OR3A2: variants seen among roughly 807,000 people sequenced by gnomAD.
OR3A2 encodes the protein olfactory receptor 3A2.
For missense variants in OR3A2, 318 were observed against 392.8 expected, an observed-to-expected ratio of 0.81 and a Z score of 1.61; for synonymous variants, 126 against 159.3, an observed-to-expected ratio of 0.79 and a Z score of 1.57.
At chr17:3,382,508 G>A (rs1019792663) in intron 2 of OR3A2, among the ~76,000 whole-genome samples, 1 of 152,240 alleles carries the variant, frequency 6.6e-6, no homozygotes, top group Non-Finnish European at 1.5e-5. Flanking sequence ...TCTGCAGAGA[G>A]TACTGAGTTC....
intron 2 of OR3A2, among the ~76,000 whole-genome samples, chr17:3,349,907 C>G (rs2049404471): frequency 6.6e-6 from 1 of 152,002 alleles, no homozygotes; most frequent in African/African-American, 2.4e-5. Context: ...CATATGGAAA[C>G]TGAACAACCT....
intron 2 of OR3A2, among the ~76,000 whole-genome samples, chr17:3,357,971 G>T (rs2049476979): frequency 6.6e-6 from 1 of 151,606 alleles, no homozygotes; most frequent in Non-Finnish European, 1.5e-5. Flanking sequence ...TGGGGGTCAG[G>T]TTCAGAGAGG....
intron 3 of OR3A2, among the ~76,000 whole-genome samples, chr17:3,307,066 T>C (rs2049005579): frequency 6.6e-6 from 1 of 152,152 alleles, no homozygotes; most frequent in South Asian, 2.1e-4. Flanking sequence ...CACACAGGCA[T>C]TAGGGTCAAC....
At position 3,327,847 on chromosome 17, in the gene OR3A2, G is replaced by C. The variant is rs1293644600; in HGVS notation, c.-85+8186C>G. Among the ~76,000 whole-genome samples the C allele has an allele frequency of 1.4e-5, 2 of 138,200 alleles. 1 individual carries two copies. Among genetic ancestry groups the C allele is most frequent in the African/African-American group, 5.8e-5 (2 of 34,200 alleles). 90.7% of individuals were successfully genotyped at this position (138,200 alleles called of 152,430 possible). On this transcript the variant is annotated intron_variant, in intron 3 of 4. Coordinates refer to the OR3A2 transcript ENST00000573491. ...CCCATTGCTTGGTTTTCTCAGGTTT[G>C]TCAAAGATCAGATAGCTGTAGACAT... is the stretch of plus-strand genomic sequence containing the variant.
At chr17:3,284,864 CA>C (rs139010602), upstream of OR3A2, among the ~76,000 whole-genome samples, 2,317 of 148,468 alleles carry the variant, frequency 0.016, 95 homozygotes, top group African/African-American at 0.056. Context: ...GGCATTTGAG[CA>C]GAAACAAGCC....
intron 3 of OR3A2, among the ~76,000 whole-genome samples, chr17:3,333,902 T>G (rs750978948): frequency 4.0e-5 from 6 of 151,706 alleles, no homozygotes; most frequent in Non-Finnish European, 5.9e-5. Context: ...TTAAACAAAT[T>G]TACAAGAAAA....
At chr17:3,349,863 T>C (rs548925561) in intron 2 of OR3A2, among the ~76,000 whole-genome samples, 69 of 152,180 alleles carry the variant, frequency 4.5e-4, no homozygotes, top group African/African-American at 1.6e-3. Context: ...AAACTAGAAC[T>C]CATGATTAAG....
chr17:3,355,456 CTCTCTT>C (rs766307851), intron 2 of OR3A2, among the ~76,000 whole-genome samples: 1,705 of 118,042 alleles, frequency 0.014, 80 homozygotes, highest in African/African-American at 0.048. Context: ...CTCTCTCTCT[CTCTCTT>C]TAGCTCTAAT....
At chr17:3,328,053 T>A (rs1245345747) in intron 3 of OR3A2, among the ~76,000 whole-genome samples, 2 of 145,600 alleles carry the variant, frequency 1.4e-5, no homozygotes, top group Non-Finnish European at 3.0e-5. Flanking sequence ...CTTTTTTGGT[T>A]CCATATGAAC....
intron 3 of OR3A2, among the ~76,000 whole-genome samples, chr17:3,304,992 T>C (rs2150628054): frequency 6.6e-6 from 1 of 152,344 alleles, no homozygotes; most frequent in African/African-American, 2.4e-5. Flanking sequence ...TAATTGTTTT[T>C]GAGTAGTCAT....
intron 1 of OR3A2, among the ~76,000 whole-genome samples, chr17:3,282,613 G>A (rs1201014144): frequency 1.3e-5 from 2 of 152,162 alleles, no homozygotes; most frequent in Non-Finnish European, 1.5e-5. Context: ...ATGTGGATGC[G>A]GTGATCTCCA....
In OR3A2 at chr17:3,335,186, T is replaced by G. The variant is rs1405611665; in HGVS notation, c.-85+847A>C. On this transcript the variant is annotated intron_variant, in intron 3 of 4. Coordinates refer to the OR3A2 transcript ENST00000573491. ...GTATCTCAGTGTTTTCATATGCATT[T>G]CTTAGATCTTTACATGGTAAAAATA... Among the ~76,000 whole-genome samples the G allele has an allele frequency of 2.6e-5, 4 of 152,338 alleles. No individual in the cohort carries two copies. In the East Asian group the frequency reaches 7.7e-4, roughly 29 times the overall value.
At chr17:3,303,098 T>C (rs137938440) in intron 3 of OR3A2, among the ~76,000 whole-genome samples, 1 of 152,262 alleles carries the variant, frequency 6.6e-6, no homozygotes, top group East Asian at 1.9e-4. Context: ...TTTCAATAAA[T>C]AGTGCTGGAG....
chr17:3,347,694 G>A (rs944038477), intron 2 of OR3A2, among the ~76,000 whole-genome samples: 12 of 152,218 alleles, frequency 7.9e-5, no homozygotes, highest in South Asian at 2.1e-4. Flanking sequence ...GAATAATGCC[G>A]CAATAAACAT....
intron 3 of OR3A2, among the ~76,000 whole-genome samples, chr17:3,290,680 T>A (rs1209365961): frequency 2.0e-5 from 3 of 152,230 alleles, no homozygotes; most frequent in Non-Finnish European, 4.4e-5. Context: ...ATGGCTGGTT[T>A]AACTTCAAGC....
chr17:3,356,939 A>G (rs929324392), intron 2 of OR3A2, among the ~76,000 whole-genome samples: 4 of 151,714 alleles, frequency 2.6e-5, no homozygotes, highest in African/African-American at 7.3e-5. Flanking sequence ...CTTAAGGGCC[A>G]TGATTTCAAG....
chr17:3,311,118 T>A lies in OR3A2; in HGVS notation c.-85+24915A>T, dbSNP rs989118247. The A allele has an allele frequency of 9.2e-6, 5 of 541,432 alleles. No individual in the cohort carries two copies. The African/African-American group carries it at 9.6e-5, about 10-fold the overall frequency. 33.5% of individuals were successfully genotyped at this position (541,432 alleles called of 1,614,324 possible). A position where few individuals can be genotyped will look rare whatever the true frequency, so the allele number is the denominator to read the frequency against. ...CTACACAAGGCTGGGTTCAGTGGAG[T>A]CTTCGGACAAGGACAAGGGCATTGG... On this transcript the variant is annotated intron_variant, in intron 3 of 4. Transcript: ENST00000573491. The surrounding 1 kb of genome is among the most constrained non-coding windows in gnomAD (Gnocchi z 4.6).
chr17:3,381,024 T>A (rs777734954), intron 2 of OR3A2, among the ~76,000 whole-genome samples: 4 of 152,206 alleles, frequency 2.6e-5, no homozygotes, highest in Non-Finnish European at 5.9e-5. Flanking sequence ...TGCATGTGTA[T>A]GTGGCATATA....
At chr17:3,339,712 C>G (rs530844995) in intron 2 of OR3A2, among the ~76,000 whole-genome samples, 11 of 152,264 alleles carry the variant, frequency 7.2e-5, no homozygotes, top group Non-Finnish European at 1.2e-4. Flanking sequence ...CAATGTTCAT[C>G]AGGGATATTG....
Sources: gnomAD v4.1 joint callset for allele counts (sites outside exome capture counted in the v4.1 genomes callset) on GRCh38, gnomAD v4.1.1 for gene constraint, Gnocchi (gnomAD v3.1) non-coding constraint, MANE v1.5 for transcripts, NCBI Gene and HGNC (gene_info 2026-07-23, HGNC 2026-07-21) for gene names.